The following ESPNL variants were observed in gnomAD, a reference collection of about 807,000 sequenced individuals.
ESPNL encodes espin-like protein.
In ESPNL, 49 loss-of-function variants were observed where a neutral mutation model predicts 46.8. That is an observed-to-expected ratio of 1.05 (90% confidence interval 0.83 to 1.33). The LOEUF is 1.33. ESPNL is among the 40% of genes most tolerant of loss of function. ESPNL has a pLI of 0.00. For synonymous variants in ESPNL, 664 were observed against 662.1 expected (o/e 1.00, Z -0.04); for missense variants, 1,540 against 1,436.6 (o/e 1.07, Z -1.16).
In ESPNL at chr2:238,131,537, C is replaced by T. The variant is rs765537682; in HGVS notation, c.2823C>T (p.Arg941=). 6.2e-7 allele frequency: 1 copy of T among 1,611,354 alleles called. No individual in the cohort carries two copies. Among genetic ancestry groups the T allele is most frequent in the African/African-American group, 1.3e-5 (1 of 74,908 alleles). Reference sequence around the variant, plus strand: ...CCGCCTGGGATACGGAGCCTGGCCGCAAGTCAGGTCTGACCCTGCTCGGGC... The same window carrying T: ...CCGCCTGGGATACGGAGCCTGGCCGTAAGTCAGGTCTGACCCTGCTCGGGC... The part of the protein sequence containing the change: ...QRPAWDTEPG[R]KSGLTLLGPL... The change falls in exon 9 of 9, where the codon CGC becomes CGT. Residue 941 remains arginine (R), a synonymous_variant. Coordinates refer to ENST00000343063, the MANE Select transcript of ESPNL (RefSeq NM_194312.4).
chr2:238,129,154 A>G, intron 8 of ESPNL: 3 of 1,395,204 alleles, frequency 2.2e-6, no homozygotes, highest in Non-Finnish European at 9.3e-7. Flanking sequence ...TTTGTGGCAC[A>G]TGCCTGCCTG....
chr2:238,117,053 A>G lies in ESPNL; in HGVS notation c.987+19A>G, dbSNP rs1402674990. The G allele has an allele frequency of 6.2e-7, 1 of 1,600,220 alleles. No individual in the cohort carries two copies. The highest frequency in any genetic ancestry group is 1.3e-5 in the African/African-American group (1 of 74,778). On this transcript the variant is annotated intron_variant, in intron 5 of 8. Transcript: ENST00000343063. ...CCAGCCGGTAAGGCTCAGGGTCCCC[A>G]GCTGCCCTGGAGGCATGGGGGGTGG...
At chr2:238,116,208 C>T (rs1478270046) in intron 4 of ESPNL, among the ~76,000 whole-genome samples, 1 of 152,242 alleles carries the variant, frequency 6.6e-6, no homozygotes, top group Non-Finnish European at 1.5e-5. Context: ...CAACTGAATC[C>T]TTCACAGGCC....
chr2:238,101,162 C>A (rs573399742), intron 1 of ESPNL, among the ~76,000 whole-genome samples: 1 of 152,172 alleles, frequency 6.6e-6, no homozygotes, highest in African/African-American at 2.4e-5. Flanking sequence ...ACTGGGCCCC[C>A]CTCCCCTATC....
chr2:238,118,793 GT>G (rs1691896491), intron 5 of ESPNL, among the ~76,000 whole-genome samples: 1 of 90,472 alleles, frequency 1.1e-5, no homozygotes, highest in Non-Finnish European at 2.2e-5. Context: ...ATGGAGGAGG[GT>G]GGATGGAGGA....
chr2:238,108,182 G>A (rs570528688), intron 4 of ESPNL, among the ~76,000 whole-genome samples: 6 of 152,304 alleles, frequency 3.9e-5, no homozygotes, highest in Admixed American at 2.6e-4. Flanking sequence ...CTCGTCCTGC[G>A]TACCATCCTC....
intron 5 of ESPNL, among the ~76,000 whole-genome samples, chr2:238,117,427 A>G (rs73100306): frequency 0.025 from 3,869 of 152,182 alleles, 153 homozygotes; most frequent in African/African-American, 0.087. Context: ...GGTCACAGAG[A>G]CCACATCTGT....
At position 238,130,308 on chromosome 2, in the gene ESPNL, C is replaced by G; in HGVS notation, c.1594C>G (p.Arg532Gly). The change falls in exon 9 of 9, where the codon CGG (arginine) becomes GGG (glycine). Residue 532 changes from arginine (R) to glycine (G), a missense_variant. Transcript: ENST00000343063. ...RCQEYESELG[R>G]LAAELQALLP... ...TCAGGAGTATGAGAGTGAGCTGGGC[C>G]GGTTGGCGGCTGAGCTGCAGGCCCT... 1 of 1,606,380 alleles carries G rather than the reference C, an allele frequency of 6.2e-7. No individual in the cohort carries two copies. The highest frequency in any genetic ancestry group is 1.1e-5 in the South Asian group (1 of 90,040).
chr2:238,100,406 G>C lies in ESPNL; in HGVS notation c.-14G>C. On this transcript the variant is annotated 5_prime_UTR_variant, in exon 1 of 9. Transcript: ENST00000343063. ...GCCTGTGCATGAGTCGCCACTGAGA[G>C]CCCGGGCCAGAGGATGGAGAAGCAG... is the stretch of plus-strand genomic sequence containing the variant. The C allele has an allele frequency of 1.3e-6, 2 of 1,588,492 alleles. No homozygotes were observed. The highest frequency in any genetic ancestry group is 1.7e-6 in the Non-Finnish European group (2 of 1,171,480).
intron 5 of ESPNL, among the ~76,000 whole-genome samples, chr2:238,117,663 A>G (rs995228243): frequency 1.3e-5 from 2 of 152,242 alleles, no homozygotes; most frequent in Non-Finnish European, 2.9e-5. Flanking sequence ...AAGGACACGG[A>G]TCTTGTCTAT....
Position 238,132,201 on chromosome 2 carries a change from A to C in ESPNL, c.*469A>C. The C allele has an allele frequency of 6.4e-6, 1 of 156,310 alleles. No individual in the cohort carries two copies. Among genetic ancestry groups the C allele is most frequent in the Non-Finnish European group, 1.4e-5 (1 of 70,904 alleles). The allele number at this position is 156,310 out of a possible 1,614,324, so 9.7% of individuals were successfully genotyped here. On this transcript the variant is annotated 3_prime_UTR_variant, in exon 9 of 9. Transcript: ENST00000343063. ...TGCTGACCTTGGGTCACACCCCTTCACCTCCCATCTGTGAATTTGGGGGAG... is the reference window on the plus strand; with the variant it reads ...TGCTGACCTTGGGTCACACCCCTTCCCCTCCCATCTGTGAATTTGGGGGAG...
chr2:238,122,278 C>G (rs773572966), intron 5 of ESPNL, among the ~76,000 whole-genome samples: 1 of 152,218 alleles, frequency 6.6e-6, no homozygotes, highest in Non-Finnish European at 1.5e-5. Flanking sequence ...CTCCCGTTGC[C>G]GGAGAAACGC....
chr2:238,130,296 AG>A lies in ESPNL; in HGVS notation c.1583del (p.Ser528MetfsTer80). ...TCGGCGCCGCTGTCAGGAGTATGAG[AG>A]TGAGCTGGGCCGGTTGGCGGCTGAG... Reference protein sequence around the residue: ...QLRRRCQEYESELGRLAAELQ... With the variant: ...QLRRRCQEYEXELGRLAAELQ... On this transcript the variant is annotated frameshift_variant, in exon 9 of 9. Transcript: ENST00000343063. LOFTEE classifies it low-confidence loss of function (END_TRUNC). The A allele has an allele frequency of 6.2e-7, 1 of 1,607,370 alleles. No homozygotes were observed. Among genetic ancestry groups the A allele is most frequent in the Non-Finnish European group, 8.5e-7 (1 of 1,177,538 alleles).
Position 238,119,435 on chromosome 2 carries a change from G to GTGGATGGA in ESPNL, c.987+2401_987+2402insTGGATGGA, listed in dbSNP as rs1691929151. On this transcript the variant is annotated intron_variant, in intron 5 of 8. Transcript: ENST00000343063. The stretch of plus-strand genomic sequence containing the variant: ...GGATGGAGGAGGGTAGATGGAGGAG[G>GTGGATGGA]GGAGGTGGAGGAGAGGAGGTTAGAT... 1.5e-5 allele frequency among the ~76,000 whole-genome samples: 2 copies of GTGGATGGA among 135,412 alleles called. 1 individual carries two copies. The highest frequency in any genetic ancestry group is 6.1e-5 in the African/African-American group (2 of 32,816). 88.8% of individuals were successfully genotyped at this position (135,412 alleles called of 152,430 possible).
At position 238,117,710 on chromosome 2, in the gene ESPNL, C is replaced by T. The variant is rs199547952; in HGVS notation, c.987+676C>T. On this transcript the variant is annotated intron_variant, in intron 5 of 8. Coordinates refer to ENST00000343063, the MANE Select transcript of ESPNL (RefSeq NM_194312.4). Reference sequence around the variant, plus strand: ...CCAGCCCTTAGAACGTGACAGAGCTCAACAAGTGTTTGCTGAATGAACTAA... The same window carrying T: ...CCAGCCCTTAGAACGTGACAGAGCTTAACAAGTGTTTGCTGAATGAACTAA... Among the ~76,000 whole-genome samples the T allele has an allele frequency of 2.0e-5, 3 of 152,166 alleles. No individual in the cohort carries two copies. The East Asian group carries it at 5.8e-4, about 29-fold the overall frequency.
Position 238,131,663 on chromosome 2 carries a change from C to G in ESPNL, c.2949C>G (p.Cys983Trp). 1 of 1,603,944 alleles carries G rather than the reference C, an allele frequency of 6.2e-7. No homozygotes were observed. Among genetic ancestry groups the G allele is most frequent in the Non-Finnish European group, 8.5e-7 (1 of 1,172,592 alleles). The change falls in exon 9 of 9, where the codon TGC becomes TGG. Residue 983 changes from cysteine to tryptophan, a missense_variant. By Grantham distance (215) the Cys-to-Trp change is radical. Transcript: ENST00000343063. ...GCAGCTTCAACGGTGAGGACATCTG[C>G]GGCTACATCAACCGCAGCTTTGCCT... Reference protein sequence around the residue: ...QQGSFNGEDICGYINRSFAFW... With the variant: ...QQGSFNGEDIWGYINRSFAFW...
intron 5 of ESPNL, among the ~76,000 whole-genome samples, chr2:238,119,192 T>TGG (rs1691916090): frequency 1.3e-5 from 1 of 75,602 alleles, no homozygotes; most frequent in African/African-American, 5.3e-5. Context: ...GGAGGAGGAA[T>TGG]GGATGGAGGA....
In ESPNL at chr2:238,119,104, G is replaced by T. The variant is rs1442871179; in HGVS notation, c.987+2070G>T. On this transcript the variant is annotated intron_variant, in intron 5 of 8. Transcript: ENST00000343063. Reference sequence around the variant, plus strand: ...GAATGGAGGAGAGTGGATGGAAGAGGATGGATGGAGGAGAAGTGGATGAAG... The same window carrying T: ...GAATGGAGGAGAGTGGATGGAAGAGTATGGATGGAGGAGAAGTGGATGAAG... 2.4e-5 allele frequency among the ~76,000 whole-genome samples: 3 copies of T among 122,520 alleles called. 1 individual carries two copies. The highest frequency in any genetic ancestry group is 4.9e-5 in the Non-Finnish European group (3 of 60,680). The allele number at this position is 122,520 out of a possible 152,430, so 80.4% of individuals were successfully genotyped here. A position where few individuals can be genotyped will look rare whatever the true frequency, so the allele number is the denominator to read the frequency against.
At chr2:238,109,084 G>T (rs1005491133) in intron 4 of ESPNL, among the ~76,000 whole-genome samples, 1 of 152,308 alleles carries the variant, frequency 6.6e-6, no homozygotes, top group African/African-American at 2.4e-5. Flanking sequence ...GATAGGAAGT[G>T]GGGGGAGGGG....
Sources: allele counts gnomAD v4.1 joint callset (sites outside exome capture counted in the v4.1 genomes callset), GRCh38; gene constraint gnomAD v4.1.1; transcripts MANE v1.5; gene names NCBI Gene and HGNC (gene_info 2026-07-23, HGNC 2026-07-21).